The following DOCK3 variants were observed in gnomAD, a reference collection of about 807,000 sequenced individuals.
DOCK3 encodes dedicator of cytokinesis protein 3.
A neutral mutation model predicts 265.6 loss-of-function variants in DOCK3; 60 were observed. The ratio of observed to expected loss-of-function variants is 0.23; its 90% CI spans 0.18 to 0.28. DOCK3 has a LOEUF of 0.28. Among genes scored for constraint, DOCK3 ranks in the 10% least tolerant of loss-of-function variants. DOCK3 has a pLI of 1.00. For missense variants in DOCK3, 1,981 were observed against 2,594.3 expected (o/e 0.76, Z 5.14); for synonymous variants, 881 against 938.0 (o/e 0.94, Z 1.11).
intron 3 of DOCK3, among the ~76,000 whole-genome samples, chr3:50,855,081 T>C (rs1395252411): frequency 1.3e-5 from 2 of 152,170 alleles, no homozygotes; most frequent in Non-Finnish European, 2.9e-5. Flanking sequence ...GGGTTTGTTC[T>C]TTTTGCTTTG....
At chr3:50,854,884 A>G (rs1297781421) in intron 3 of DOCK3, among the ~76,000 whole-genome samples, 1 of 152,072 alleles carries the variant, frequency 6.6e-6, no homozygotes, top group African/African-American at 2.4e-5. Flanking sequence ...TTTATTGAAT[A>G]GGGTGTTCTC....
chr3:50,909,712 T>G (rs2049763236), intron 4 of DOCK3, among the ~76,000 whole-genome samples: 1 of 150,972 alleles, frequency 6.6e-6, no homozygotes, highest in Non-Finnish European at 1.5e-5. Context: ...TTGATCTTCT[T>G]GTGGAGTATC....
At chr3:51,236,787 A>G (rs531516791) in intron 20 of DOCK3, among the ~76,000 whole-genome samples, 2 of 152,348 alleles carry the variant, frequency 1.3e-5, no homozygotes, top group South Asian at 4.1e-4. Context: ...TATAACCATC[A>G]TGAAAAGCAG....
intron 4 of DOCK3, among the ~76,000 whole-genome samples, chr3:50,916,750 A>G (rs1301281100): frequency 2.0e-5 from 3 of 151,258 alleles, no homozygotes; most frequent in Non-Finnish European, 4.4e-5. Flanking sequence ...GGGAGCTTAC[A>G]GTGAGCCGAG....
At chr3:50,853,043 T>C (rs1162132548) in intron 3 of DOCK3, among the ~76,000 whole-genome samples, 1 of 152,230 alleles carries the variant, frequency 6.6e-6, no homozygotes, top group Non-Finnish European at 1.5e-5. Flanking sequence ...TTGGAAACAT[T>C]ACAGTTTTTC....
At chr3:51,317,596 T>G (rs1373158935) in intron 32 of DOCK3, among the ~76,000 whole-genome samples, 1 of 146,770 alleles carries the variant, frequency 6.8e-6, no homozygotes, top group Non-Finnish European at 1.5e-5. Context: ...ATAATAATAA[T>G]AATAATAATA....
intron 4 of DOCK3, among the ~76,000 whole-genome samples, chr3:50,895,202 C>T (rs1021937262): frequency 2.7e-5 from 4 of 146,382 alleles, no homozygotes; most frequent in South Asian, 2.1e-4. Context: ...ATTTTATCCC[C>T]GCTTTTTTTT....
chr3:50,918,120 T>C (rs1406766262), intron 4 of DOCK3, among the ~76,000 whole-genome samples: 5 of 152,160 alleles, frequency 3.3e-5, no homozygotes, highest in African/African-American at 1.2e-4. Context: ...TAGTATTCCA[T>C]GGTGTATGTG....
intron 1 of DOCK3, among the ~76,000 whole-genome samples, chr3:50,734,128 GTCTC>G (rs1408396685): frequency 6.6e-6 from 1 of 152,172 alleles, no homozygotes; most frequent in Non-Finnish European, 1.5e-5. Flanking sequence ...CCATTCCACT[GTCTC>G]TCTGTCTACC....
chr3:51,353,595 G>A (rs1219592476), intron 40 of DOCK3, among the ~76,000 whole-genome samples: 1 of 152,174 alleles, frequency 6.6e-6, no homozygotes, highest in Non-Finnish European at 1.5e-5. Context: ...CTGGGCAAGA[G>A]AGTGAGACTC....
chr3:50,727,396 T>C (rs1413430708), intron 1 of DOCK3, among the ~76,000 whole-genome samples: 1 of 152,044 alleles, frequency 6.6e-6, no homozygotes, highest in African/African-American at 2.4e-5. Flanking sequence ...AAAAAGACAT[T>C]TAATAATGGT....
chr3:50,925,545 C>G (rs1280265095), intron 4 of DOCK3, among the ~76,000 whole-genome samples: 1 of 151,938 alleles, frequency 6.6e-6, no homozygotes, highest in East Asian at 1.9e-4. Flanking sequence ...CATAGCAAGA[C>G]TCTGCCTCCT....
At position 51,355,014 on chromosome 3, in the gene DOCK3, G is replaced by A. The variant is rs752676188; in HGVS notation, c.4240G>A (p.Asp1414Asn). ...NHPDDAILQC[D>N]AQYLQIYAVT... ...TCCTGATGACGCCATCCTACAGTGCGATGCCCAGTGTATCCTTTGATACTG... is the reference window on the plus strand; with the variant it reads ...TCCTGATGACGCCATCCTACAGTGCAATGCCCAGTGTATCCTTTGATACTG... The change falls in exon 41 of 53, where the codon GAT becomes AAT. Residue 1414 changes from aspartate to asparagine, a missense_variant. By Grantham distance (23) the Asp-to-Asn change is conservative. Coordinates refer to ENST00000266037, the MANE Select transcript of DOCK3 (RefSeq NM_004947.5). 4 of 1,613,560 alleles carry A rather than the reference G, an allele frequency of 2.5e-6. No individual in the cohort carries two copies. The highest frequency in any genetic ancestry group is 1.1e-5 in the South Asian group (1 of 91,048).
chr3:51,111,653 C>A (rs915548179), intron 9 of DOCK3, among the ~76,000 whole-genome samples: 1 of 152,016 alleles, frequency 6.6e-6, no homozygotes. Context: ...TACATGGGAA[C>A]AGGCAAAGAT....
At position 51,336,865 on chromosome 3, in the gene DOCK3, C is replaced by T. The variant is rs771653884; in HGVS notation, c.3612-1494C>T. ...TGTTTCAGATGCTTTATAGAAAATACAAATCACTAAATGCCAAAGTGGCTA... is the reference window on the plus strand; with the variant it reads ...TGTTTCAGATGCTTTATAGAAAATATAAATCACTAAATGCCAAAGTGGCTA... On this transcript the variant is annotated intron_variant, in intron 35 of 52. Transcript: ENST00000266037. 13 of 456,078 alleles carry T rather than the reference C, an allele frequency of 2.9e-5. 2 individuals are homozygous for T. Among genetic ancestry groups the T allele is most frequent in the South Asian group, 2.0e-4 (13 of 64,540 alleles). The allele number at this position is 456,078 out of a possible 1,614,324, so 28.3% of individuals were successfully genotyped here.
intron 10 of DOCK3, 52 bp downstream of exon 10, chr3:51,146,682 T>G: frequency 6.7e-7 from 1 of 1,499,662 alleles, no homozygotes; most frequent in South Asian, 1.2e-5. Flanking sequence ...ACCAGTGGCC[T>G]GCTATGTGGA....
chr3:50,711,754 A>C (rs1559540547), intron 1 of DOCK3, among the ~76,000 whole-genome samples: 1 of 152,078 alleles, frequency 6.6e-6, no homozygotes, highest in African/African-American at 2.4e-5. Flanking sequence ...ATTGATATTA[A>C]TTATTTGAAT....
intron 9 of DOCK3, among the ~76,000 whole-genome samples, chr3:51,116,907 A>G (rs2083767340): frequency 6.6e-6 from 1 of 152,178 alleles, no homozygotes; most frequent in Non-Finnish European, 1.5e-5. Context: ...GTAATCTGCA[A>G]ACAGAGACAA....
intron 9 of DOCK3, among the ~76,000 whole-genome samples, chr3:51,121,763 C>G (rs1424238268): frequency 6.6e-6 from 1 of 152,254 alleles, no homozygotes; most frequent in Non-Finnish European, 1.5e-5. Context: ...GTACCAAACC[C>G]TGTGTCAGGA....
Sources: gnomAD v4.1 joint callset for allele counts (sites outside exome capture counted in the v4.1 genomes callset) on GRCh38, gnomAD v4.1.1 for gene constraint, MANE v1.5 for transcripts, NCBI Gene and HGNC (gene_info 2026-07-23, HGNC 2026-07-21) for gene names.